CCDC12: variants seen among roughly 807,000 people sequenced by gnomAD.
CCDC12 encodes coiled-coil domain-containing protein 12.
CCDC12 carries 28 observed loss-of-function variants against 25.7 expected under a neutral mutation model. That is an observed-to-expected ratio of 1.09 (90% CI 0.81 to 1.50). CCDC12 has a LOEUF of 1.50. Among genes scored for constraint, CCDC12 ranks in the 40% most tolerant of loss-of-function variants. The probability of loss-of-function intolerance (pLI) is 0.00; values close to 1 mark genes in which losing one functional copy is unlikely to be tolerated. For synonymous variants in CCDC12, 75 were observed against 87.7 expected, an observed-to-expected ratio of 0.86 and a Z score of 0.81; for missense variants, 198 against 210.0, an observed-to-expected ratio of 0.94 and a Z score of 0.35.
At chr3:46,953,803 C>T (rs1234910335) in intron 1 of CCDC12, among the ~76,000 whole-genome samples, 2 of 152,196 alleles carry the variant, frequency 1.3e-5, no homozygotes, top group Non-Finnish European at 2.9e-5. Context: ...GGATAGACAT[C>T]TCCATTACTG....
At chr3:46,945,222 G>T (rs1053511823) in intron 1 of CCDC12, among the ~76,000 whole-genome samples, 28 of 152,188 alleles carry the variant, frequency 1.8e-4, no homozygotes. Context: ...CCAGAGCCTG[G>T]GCTAGACAAC....
At chr3:46,960,559 G>T (rs764828058) in intron 1 of CCDC12, among the ~76,000 whole-genome samples, 2 of 152,236 alleles carry the variant, frequency 1.3e-5, no homozygotes, top group Non-Finnish European at 1.5e-5. Context: ...TTAGAGCCCT[G>T]AATCAAAACA....
intron 1 of CCDC12, among the ~76,000 whole-genome samples, chr3:46,975,190 A>T (rs963752464): frequency 6.8e-6 from 1 of 145,998 alleles, no homozygotes; most frequent in African/African-American, 2.5e-5. Flanking sequence ...TTTTTTCCCA[A>T]TTTTTTTTTT....
intron 1 of CCDC12, among the ~76,000 whole-genome samples, chr3:46,966,668 A>C (rs11713537): frequency 0.95 from 144,771 of 152,228 alleles, 69,294 homozygotes; most frequent in East Asian, 1. Flanking sequence ...ACTGCCTCAG[A>C]CTGGCGCTAC....
intron 1 of CCDC12, among the ~76,000 whole-genome samples, chr3:46,951,819 ATATACT>A (rs1193018402): frequency 1.3e-4 from 11 of 81,508 alleles, no homozygotes; most frequent in South Asian, 5.7e-4. Context: ...ATATATATAT[ATATACT>A]TAATGAGGAT....
In CCDC12 at chr3:46,951,798, A is replaced by AAAAAAAAAAAATAT; in HGVS notation, c.97-10734_97-10733insATATTTTTTTTTTT. Among the ~76,000 whole-genome samples, 34 of 8,456 alleles carry AAAAAAAAAAAATAT rather than the reference A, an allele frequency of 4.0e-3. 2 individuals carry two copies. Among genetic ancestry groups the AAAAAAAAAAAATAT allele is most frequent in the Non-Finnish European group, 5.9e-3 (21 of 3,564 alleles). 5.5% of individuals were successfully genotyped at this position (8,456 alleles called of 152,430 possible). A position where few individuals can be genotyped will look rare whatever the true frequency, so the allele number is the denominator to read the frequency against. ...CCGTCTCAAAAAAAAAAAAAAAAAA[A>AAAAAAAAAAAATAT]ATATATATATATATATATATATATA... is the stretch of plus-strand genomic sequence containing the variant. On this transcript the variant is annotated intron_variant, in intron 1 of 6. Coordinates refer to ENST00000683445, the MANE Select transcript of CCDC12 (RefSeq NM_001277074.2).
At chr3:46,969,106 G>A (rs1474976223) in intron 1 of CCDC12, among the ~76,000 whole-genome samples, 2 of 152,106 alleles carry the variant, frequency 1.3e-5, no homozygotes, top group Non-Finnish European at 2.9e-5. Context: ...TCAGGACACG[G>A]ACAAGTCTGA....
chr3:46,976,577 C>T (rs904746201), intron 1 of CCDC12, 60 bp downstream of exon 1: 33 of 1,564,156 alleles, frequency 2.1e-5, no homozygotes, highest in Middle Eastern at 1.7e-4. Context: ...TCTCCTCAAG[C>T]GCGACCCGGA....
At chr3:46,924,433 T>C (rs2032846065) in intron 3 of CCDC12, among the ~76,000 whole-genome samples, 1 of 152,194 alleles carries the variant, frequency 6.6e-6, no homozygotes, top group Non-Finnish European at 1.5e-5. Flanking sequence ...GGGAAGTGTC[T>C]GGATTTCAGG....
chr3:46,976,447 C>G, intron 1 of CCDC12, 190 bp downstream of exon 1: 7 of 1,423,878 alleles, frequency 4.9e-6, no homozygotes, highest in Non-Finnish European at 6.4e-6. Context: ...CGCACCAGCG[C>G]CAGAGGAGTC....
chr3:46,976,792 G>A (rs2107214087), upstream of CCDC12: 1 of 1,553,836 alleles, frequency 6.4e-7, no homozygotes, highest in East Asian at 2.4e-5. Context: ...TAAGGAGAGT[G>A]GATAAATGTC....
intron 3 of CCDC12, 142 bp downstream of exon 3, chr3:46,925,314 A>G (rs1559547623): frequency 1.3e-6 from 1 of 749,564 alleles, no homozygotes; most frequent in Non-Finnish European, 2.4e-6. Flanking sequence ...TGCATCTGCC[A>G]TGAGATGGTA....
upstream of CCDC12, chr3:46,976,867 T>G: frequency 7.0e-7 from 1 of 1,432,040 alleles, no homozygotes. Context: ...AATGCGGGGT[T>G]ATTATGGGCG....
intron 5 of CCDC12, chr3:46,922,622 G>A (rs1022309284): frequency 3.1e-5 from 14 of 449,056 alleles, no homozygotes; most frequent in Non-Finnish European, 4.5e-5. Flanking sequence ...CACCATCAGG[G>A]AGTGACTTGC....
Position 46,940,988 on chromosome 3 carries a change from C to G in CCDC12, c.164+10G>C. 1 of 1,613,590 alleles carries G rather than the reference C, an allele frequency of 6.2e-7. No homozygotes were observed. Among genetic ancestry groups the G allele is most frequent in the Non-Finnish European group, 8.5e-7 (1 of 1,179,480 alleles). On this transcript the variant is annotated intron_variant, in intron 2 of 6. Coordinates refer to ENST00000683445, the MANE Select transcript of CCDC12 (RefSeq NM_001277074.2). The stretch of plus-strand genomic sequence containing the variant: ...AGAGAGCAGACCCTGGAGCTGCACA[C>G]GGGCATTACCTGTGCTTCTCGCCTT...
intron 2 of CCDC12, among the ~76,000 whole-genome samples, chr3:46,929,474 G>C (rs2033113809): frequency 6.6e-6 from 1 of 152,096 alleles, no homozygotes; most frequent in Admixed American, 6.5e-5. Flanking sequence ...GTGCCAGCCA[G>C]AGCAGTAGGG....
At chr3:46,959,702 G>A (rs551065527) in intron 1 of CCDC12, among the ~76,000 whole-genome samples, 1 of 152,282 alleles carries the variant, frequency 6.6e-6, no homozygotes, top group Admixed American at 6.5e-5. Context: ...CCAGTGTGGG[G>A]GGACAGGGAG....
intron 2 of CCDC12, among the ~76,000 whole-genome samples, chr3:46,927,222 T>C (rs909469677): frequency 6.6e-6 from 1 of 151,958 alleles, no homozygotes; most frequent in South Asian, 2.1e-4. Context: ...CCGTCCCCCA[T>C]CCTTGAACAC....
intron 2 of CCDC12, among the ~76,000 whole-genome samples, chr3:46,927,434 CAGA>C (rs1489982141): frequency 2.6e-5 from 4 of 152,142 alleles, no homozygotes; most frequent in South Asian, 2.1e-4. Flanking sequence ...TGTGAGAAAT[CAGA>C]AGGAGAGAGG....
Sources: allele counts gnomAD v4.1 joint callset (sites outside exome capture counted in the v4.1 genomes callset), GRCh38; gene constraint gnomAD v4.1.1; transcripts MANE v1.5; gene names NCBI Gene and HGNC (gene_info 2026-07-23, HGNC 2026-07-21).